Variants in RASGRP1 observed in about 807,000 individuals in gnomAD.
RASGRP1 encodes RAS guanyl-releasing protein 1.
RASGRP1 carries 37 observed loss-of-function variants against 95.1 expected under a neutral mutation model. That is an observed-to-expected ratio of 0.39 (90% CI 0.30 to 0.51). RASGRP1 has a LOEUF of 0.51. Among genes scored for constraint, RASGRP1 ranks in the 20% least tolerant of loss-of-function variants. The pLI is 0.80. For synonymous variants in RASGRP1, 325 were observed against 353.4 expected (o/e 0.92, Z 0.90); for missense variants, 711 against 965.4 (o/e 0.74, Z 3.49).
At chr15:38,556,035 A>T (rs1402735198) in intron 2 of RASGRP1, among the ~76,000 whole-genome samples, 1 of 152,242 alleles carries the variant, frequency 6.6e-6, no homozygotes, top group Non-Finnish European at 1.5e-5. Flanking sequence ...AAGGGAAAAA[A>T]AATAAAAGCC....
intron 1 of RASGRP1, among the ~76,000 whole-genome samples, chr15:38,560,670 G>A (rs2141201569): frequency 6.6e-6 from 1 of 152,280 alleles, no homozygotes; most frequent in Non-Finnish European, 1.5e-5. Flanking sequence ...TACAAATCTT[G>A]GTTGGTTTTA....
chr15:38,536,982 T>C (rs1367910303), intron 2 of RASGRP1, among the ~76,000 whole-genome samples: 3 of 152,252 alleles, frequency 2.0e-5, no homozygotes, highest in African/African-American at 7.2e-5. Context: ...TGAAGCACTA[T>C]AACAGTGATG....
chr15:38,536,785 T>G (rs1892666074), intron 2 of RASGRP1, among the ~76,000 whole-genome samples: 1 of 152,238 alleles, frequency 6.6e-6, no homozygotes, highest in African/African-American at 2.4e-5. Context: ...CTTTAATTGC[T>G]TATAATTCTC....
At chr15:38,500,481 A>G (rs73384151) in intron 13 of RASGRP1, among the ~76,000 whole-genome samples, 9,373 of 152,020 alleles carry the variant, frequency 0.062, 805 homozygotes, top group African/African-American at 0.19. Flanking sequence ...AGCTGGGACT[A>G]CCAGGCATGT....
intron 15 of RASGRP1, among the ~76,000 whole-genome samples, chr15:38,497,006 C>A (rs1381348202): frequency 6.6e-6 from 1 of 152,188 alleles, no homozygotes; most frequent in African/African-American, 2.4e-5. Context: ...ACATATGGTA[C>A]ATACGTGTTA....
At position 38,511,736 on chromosome 15, in the gene RASGRP1, C is replaced by T. The variant is rs1830409217; in HGVS notation, c.850-16G>A. On this transcript the variant is annotated splice_polypyrimidine_tract_variant and intron_variant, in intron 7 of 16. Transcript: ENST00000310803. ...GGTGGAGCTTCTGTGACACAGAAGA[C>T]AGATGACAGCAGAGTCACTGTACAT... The T allele has an allele frequency of 6.3e-7, 1 of 1,576,836 alleles. No homozygotes were observed. The highest frequency in any genetic ancestry group is 8.7e-7 in the Non-Finnish European group (1 of 1,146,466).
intron 15 of RASGRP1, among the ~76,000 whole-genome samples, chr15:38,496,932 A>G (rs373336790): frequency 6.6e-5 from 10 of 152,340 alleles, no homozygotes; most frequent in African/African-American, 2.2e-4. Flanking sequence ...TTCTCTAGGC[A>G]TCTGTTGTAA....
chr15:38,522,764 A>G (rs1892049584), intron 3 of RASGRP1, among the ~76,000 whole-genome samples: 1 of 152,142 alleles, frequency 6.6e-6, no homozygotes, highest in East Asian at 1.9e-4. Flanking sequence ...GGTTTCTCAG[A>G]GAGCTACGGA....
chr15:38,518,556 T>C, intron 4 of RASGRP1, 133 bp from the exon 5 acceptor site: 1 of 946,648 alleles, frequency 1.1e-6, no homozygotes, highest in Non-Finnish European at 1.6e-6. Flanking sequence ...TATTAGTATA[T>C]TGAAGGAGCT....
Position 38,564,485 on chromosome 15 carries a change from G to A in RASGRP1, c.35+109C>T, listed in dbSNP as rs1201239258. On this transcript the variant is annotated intron_variant, in intron 1 of 16. Transcript: ENST00000310803. ...GTGTCCCGGGACTCCGGCCGACCCCGGCCCCCCTCCGCCCTCAACTTCCCT... is the reference window on the plus strand; with the variant it reads ...GTGTCCCGGGACTCCGGCCGACCCCAGCCCCCCTCCGCCCTCAACTTCCCT... 1.1e-5 allele frequency: 10 copies of A among 897,870 alleles called. No individual in the cohort carries two copies. In the South Asian group the frequency reaches 4.0e-4, roughly 36 times the overall value. The allele number at this position is 897,870 out of a possible 1,614,324, so 55.6% of individuals were successfully genotyped here.
intron 2 of RASGRP1, chr15:38,534,111 CT>C (rs1206990048): frequency 1.3e-5 from 2 of 152,358 alleles, no homozygotes; most frequent in African/African-American, 2.4e-5. Flanking sequence ...CACTCCTCAT[CT>C]CACTCCTAAT....
intron 9 of RASGRP1, among the ~76,000 whole-genome samples, chr15:38,506,463 T>C (rs1340517190): frequency 6.6e-6 from 1 of 152,052 alleles, no homozygotes; most frequent in Non-Finnish European, 1.5e-5. Context: ...AGCAAAACCC[T>C]GTCTCTACAA....
chr15:38,517,941 G>C (rs2141125662), intron 5 of RASGRP1, among the ~76,000 whole-genome samples: 2 of 152,270 alleles, frequency 1.3e-5, no homozygotes, highest in Middle Eastern at 3.4e-3. Flanking sequence ...AAGTTCAGGT[G>C]TGCCTCCTGG....
chr15:38,559,710 G>T, intron 2 of RASGRP1, 111 bp downstream of exon 2: 2 of 1,149,450 alleles, frequency 1.7e-6, no homozygotes, highest in Non-Finnish European at 2.4e-6. Context: ...AGGCTCAAAA[G>T]CTATTTTTAA....
At chr15:38,501,472 GTAGGTAAGGCAGCATTAC>G in intron 12 of RASGRP1, 185 bp from the exon 13 acceptor site, 1 of 781,630 alleles carries the variant, frequency 1.3e-6, no homozygotes, top group Non-Finnish European at 2.2e-6. Context: ...CATGTGGTAA[GTAGGTAAGGCAGCATTAC>G]TCATTTCCAC....
At chr15:38,501,105 C>A in intron 13 of RASGRP1, 38 bp downstream of exon 13, 1 of 1,552,280 alleles carries the variant, frequency 6.4e-7, no homozygotes, top group Non-Finnish European at 8.7e-7. Context: ...CACACTCTTC[C>A]CCAAATTCAG....
intron 3 of RASGRP1, among the ~76,000 whole-genome samples, chr15:38,523,741 T>C (rs2141135647): frequency 6.6e-6 from 1 of 152,294 alleles, no homozygotes; most frequent in East Asian, 1.9e-4. Context: ...CTGTACTTTT[T>C]CTATGTTTAG....
In RASGRP1 at chr15:38,551,658, C is replaced by T. The variant is rs552898820; in HGVS notation, c.220+8163G>A. On this transcript the variant is annotated intron_variant, in intron 2 of 16. Transcript: ENST00000310803. ...ATGGGCAAATTTAAACACAAAAATCCGAAGTTTCTATACATGACAATATCA... is the reference window on the plus strand; with the variant it reads ...ATGGGCAAATTTAAACACAAAAATCTGAAGTTTCTATACATGACAATATCA... 4.6e-5 allele frequency among the ~76,000 whole-genome samples: 7 copies of T among 151,480 alleles called. No homozygotes were observed. The East Asian group carries it at 1.2e-3, about 25-fold the overall frequency.
intron 2 of RASGRP1, among the ~76,000 whole-genome samples, chr15:38,554,752 T>G (rs1182358339): frequency 1.3e-5 from 2 of 152,214 alleles, no homozygotes; most frequent in Non-Finnish European, 2.9e-5. Context: ...GGAGCTGCTC[T>G]GATGACTAGA....
Sources: allele counts gnomAD v4.1 joint callset (sites outside exome capture counted in the v4.1 genomes callset), GRCh38; gene constraint gnomAD v4.1.1; transcripts MANE v1.5; gene names NCBI Gene and HGNC (gene_info 2026-07-23, HGNC 2026-07-21).